The following PRDM16 variants were observed in gnomAD, a reference collection of about 807,000 sequenced individuals.
PRDM16 encodes histone-lysine N-methyltransferase PRDM16.
Under a neutral mutation model 110.6 loss-of-function variants are expected in PRDM16, and 23 were observed. The ratio of observed to expected loss-of-function variants is 0.21; its 90% CI spans 0.15 to 0.29. The LOEUF (loss-of-function observed/expected upper bound fraction) is 0.29, where lower values mean the gene tolerates loss of function less well. Ranked by LOEUF, PRDM16 falls within the 10% of genes least tolerant of loss-of-function variation. The probability of loss-of-function intolerance (pLI) is 1.00; values close to 1 mark genes in which losing one functional copy is unlikely to be tolerated. For missense variants in PRDM16, 1,615 were observed against 1,794.3 expected (o/e 0.90, Z 1.81); for synonymous variants, 799 against 781.8 (o/e 1.02, Z -0.37).
intron 3 of PRDM16, among the ~76,000 whole-genome samples, chr1:3,300,159 G>A (rs1277490823): frequency 1.0e-5 from 1 of 99,840 alleles, no homozygotes; most frequent in Non-Finnish European, 2.3e-5. Context: ...TGGCCGTGAT[G>A]TTTCAGATCC....
At chr1:3,404,561 T>C (rs1333595615) in intron 6 of PRDM16, among the ~76,000 whole-genome samples, 178 bp from the exon 7 acceptor site, 2 of 152,118 alleles carry the variant, frequency 1.3e-5, no homozygotes, top group Non-Finnish European at 2.9e-5. Context: ...CCTCTGCCCC[T>C]CACAGCCCGG....
chr1:3,259,879 G>A (rs540573591), intron 3 of PRDM16, among the ~76,000 whole-genome samples: 5 of 152,206 alleles, frequency 3.3e-5, no homozygotes, highest in South Asian at 4.1e-4. Context: ...AGCAGGTGCC[G>A]TCTGTGTGTC....
At chr1:3,260,783 G>C (rs1194403902) in intron 3 of PRDM16, among the ~76,000 whole-genome samples, 7 of 146,026 alleles carry the variant, frequency 4.8e-5, no homozygotes, top group Non-Finnish European at 1.0e-4. Flanking sequence ...GGGAGATGAT[G>C]ATGATGGCAA....
intron 3 of PRDM16, among the ~76,000 whole-genome samples, chr1:3,282,392 C>G (rs1021007457): frequency 1.3e-5 from 2 of 152,316 alleles, no homozygotes; most frequent in African/African-American, 2.4e-5. Flanking sequence ...GACCTTGTCC[C>G]CCCACTGTCG....
chr1:3,114,070 G>A (rs1056488171), intron 1 of PRDM16, among the ~76,000 whole-genome samples: 4 of 152,240 alleles, frequency 2.6e-5, no homozygotes, highest in African/African-American at 7.2e-5. Context: ...GTTTTGAAGT[G>A]TAGATTTGTA....
At chr1:3,312,433 G>A (rs537548469) in intron 3 of PRDM16, among the ~76,000 whole-genome samples, 8 of 152,290 alleles carry the variant, frequency 5.3e-5, no homozygotes, top group African/African-American at 1.2e-4. Flanking sequence ...AGCCTCCTCC[G>A]AGGTCTGTCC....
rs150022595 is a variant in PRDM16 at position 3,417,951 on chromosome 1, C to T, written c.2815C>T (p.Leu939Phe). 4.3e-6 allele frequency: 7 copies of T among 1,613,182 alleles called. No individual in the cohort carries two copies. The Admixed American group carries it at 5.0e-5, about 12-fold the overall frequency. The change falls in exon 11 of 17, where the codon CTC becomes TTC. Residue 939 changes from leucine to phenylalanine, a missense_variant. By Grantham distance (22) the Leu-to-Phe change is conservative. Transcript: ENST00000270722. ...PFNFRSPPPTLSDPILRKGKE... is the reference protein window; with the variant it reads ...PFNFRSPPPTFSDPILRKGKE... ...CAACTTCCGGTCCCCACCCCCAACG[C>T]TCTCCGACCCCATCCTCAGGAAGGG...
chr1:3,158,703 C>G (rs1447205796), intron 1 of PRDM16, among the ~76,000 whole-genome samples: 1 of 148,620 alleles, frequency 6.7e-6, no homozygotes, highest in Non-Finnish European at 1.5e-5. Context: ...CTTTTTTTCT[C>G]TTTCTTTCTT....
chr1:3,330,579 G>A (rs115643284), intron 3 of PRDM16, among the ~76,000 whole-genome samples: 1,936 of 152,260 alleles, frequency 0.013, 18 homozygotes, highest in Admixed American at 0.025. Context: ...CTCAGCAGGG[G>A]CCACTTTTCT....
At chr1:3,098,317 G>A (rs1642453715) in intron 1 of PRDM16, among the ~76,000 whole-genome samples, 1 of 152,188 alleles carries the variant, frequency 6.6e-6, no homozygotes, top group African/African-American at 2.4e-5. Flanking sequence ...CCTGCTCCCT[G>A]CTCCTGGGTG....
In PRDM16 at chr1:3,114,394, GCACGCGCACA is replaced by G. The variant is rs1298887707; in HGVS notation, c.37+45102_37+45111del. ...CACGCAGGTGTAAACAGACGCGCAC[GCACGCGCACA>G]CACACGCACACACATGCACACACCA... On this transcript the variant is annotated intron_variant, in intron 1 of 16. Coordinates refer to ENST00000270722, the MANE Select transcript of PRDM16 (RefSeq NM_022114.4). Among the ~76,000 whole-genome samples the G allele has an allele frequency of 1.0e-4, 12 of 116,672 alleles. 1 individual carries two copies. The South Asian group carries it at 3.2e-3, about 31-fold the overall frequency. 76.5% of individuals were successfully genotyped at this position (116,672 alleles called of 152,430 possible).
At chr1:3,324,741 C>A (rs1641848567) in intron 3 of PRDM16, among the ~76,000 whole-genome samples, 2 of 147,940 alleles carry the variant, frequency 1.4e-5, no homozygotes, top group Admixed American at 1.3e-4. Context: ...GTCGTCACCC[C>A]CCCTTGATTC....
intron 3 of PRDM16, among the ~76,000 whole-genome samples, chr1:3,366,316 T>C (rs1642815194): frequency 1.3e-5 from 2 of 152,236 alleles, no homozygotes; most frequent in Non-Finnish European, 2.9e-5. Flanking sequence ...CGGGACGCGC[T>C]GATGTCCTGA....
chr1:3,218,505 C>G (rs1302120083), intron 2 of PRDM16, among the ~76,000 whole-genome samples: 1 of 152,244 alleles, frequency 6.6e-6, no homozygotes, highest in African/African-American at 2.4e-5. Context: ...CACGTGCACA[C>G]AGATGTGCCC....
At position 3,290,228 on chromosome 1, in the gene PRDM16, C is replaced by T. The variant is rs898664757; in HGVS notation, c.438+46091C>T. On this transcript the variant is annotated intron_variant, in intron 3 of 16. Coordinates refer to ENST00000270722, the MANE Select transcript of PRDM16 (RefSeq NM_022114.4). This position sits in a 1 kb window ranked among gnomAD's most constrained non-coding sequence, Gnocchi z 4.8. Reference sequence around the variant, plus strand: ...CCCTTGAGGTGGGCAGGTTTCCAGGCATTTGGAAGTAGACATGGGAAGGAA... The same window carrying T: ...CCCTTGAGGTGGGCAGGTTTCCAGGTATTTGGAAGTAGACATGGGAAGGAA... 1.3e-5 allele frequency among the ~76,000 whole-genome samples: 2 copies of T among 152,138 alleles called. No homozygotes were observed. The highest frequency in any genetic ancestry group is 4.8e-5 in the African/African-American group (2 of 41,432).
At chr1:3,393,985 C>T (rs1181129796) in intron 4 of PRDM16, among the ~76,000 whole-genome samples, 1 of 152,174 alleles carries the variant, frequency 6.6e-6, no homozygotes, top group Admixed American at 6.5e-5. Context: ...CGCGGCCCGG[C>T]GCGCTAGACC....
rs1054241199 is a variant in PRDM16 at position 3,175,420 on chromosome 1, C to T, written c.38-10705C>T. ...CTCTCCCCGATCAGCTCTCCCACAA[C>T]CACAGCCTGCCTGATGCGCCCACCT... On this transcript the variant is annotated intron_variant, in intron 1 of 16. Coordinates refer to ENST00000270722, the MANE Select transcript of PRDM16 (RefSeq NM_022114.4). The surrounding 1 kb of genome is among the most constrained non-coding windows in gnomAD (Gnocchi z 4.8). 6.6e-6 allele frequency among the ~76,000 whole-genome samples: 1 copy of T among 152,184 alleles called. No individual in the cohort carries two copies. Among genetic ancestry groups the T allele is most frequent in the Non-Finnish European group, 1.5e-5 (1 of 68,028 alleles).
intron 5 of PRDM16, among the ~76,000 whole-genome samples, chr1:3,397,275 C>T (rs1643400464): frequency 6.6e-6 from 1 of 152,202 alleles, no homozygotes; most frequent in African/African-American, 2.4e-5. Flanking sequence ...CTGTGGGAAG[C>T]CTTCCAAATT....
intron 3 of PRDM16, among the ~76,000 whole-genome samples, chr1:3,287,781 G>A (rs11801237): frequency 0.032 from 4,590 of 142,208 alleles, 318 homozygotes; most frequent in African/African-American, 0.12. Flanking sequence ...TGCATTTACC[G>A]GGGCTGGAGC....
Sources: allele counts gnomAD v4.1 joint callset (sites outside exome capture counted in the v4.1 genomes callset), GRCh38; gene constraint gnomAD v4.1.1; non-coding constraint Gnocchi (gnomAD v3.1); transcripts MANE v1.5; gene names NCBI Gene and HGNC (gene_info 2026-07-23, HGNC 2026-07-21).